FRYL: variants seen among roughly 807,000 people sequenced by gnomAD.
FRYL encodes protein furry homolog-like.
FRYL carries 150 observed loss-of-function variants against 351.2 expected under a neutral mutation model. That is an observed-to-expected ratio of 0.43 (90% CI 0.37 to 0.49). FRYL has a LOEUF of 0.49. FRYL is among the 20% of genes least tolerant of loss of function. The pLI is 0.00. For missense variants in FRYL, 3,036 were observed against 3,619.3 expected (o/e 0.84, Z 4.13); for synonymous variants, 1,153 against 1,257.1 (o/e 0.92, Z 1.75).
intron 2 of FRYL, among the ~76,000 whole-genome samples, chr4:48,688,622 T>TA (rs1765391194): frequency 6.6e-6 from 1 of 151,900 alleles, no homozygotes; most frequent in Non-Finnish European, 1.5e-5. Context: ...TTAAATTTTT[T>TA]TAAAAATGAA....
At chr4:48,642,702 A>T (rs1755582591) in intron 3 of FRYL, among the ~76,000 whole-genome samples, 1 of 152,120 alleles carries the variant, frequency 6.6e-6, no homozygotes. Flanking sequence ...AAGAAAAATG[A>T]CCTATCATCC....
In FRYL at chr4:48,682,171, C is replaced by T. The variant is rs536562715; in HGVS notation, c.-81+2502G>A. ...TGAAACACAATACAATCTCATTCTTCCAATGCTCAACATGAAGAAAATGAT... is the reference window on the plus strand; with the variant it reads ...TGAAACACAATACAATCTCATTCTTTCAATGCTCAACATGAAGAAAATGAT... On this transcript the variant is annotated intron_variant, in intron 3 of 63. Coordinates refer to ENST00000358350, the MANE Select transcript of FRYL (RefSeq NM_015030.2). Among the ~76,000 whole-genome samples the T allele has an allele frequency of 3.9e-5, 6 of 152,214 alleles. 1 individual carries two copies. Among genetic ancestry groups the T allele is most frequent in the African/African-American group, 1.4e-4 (6 of 41,530 alleles).
chr4:48,764,874 T>C (rs779080202), intron 1 of FRYL, among the ~76,000 whole-genome samples: 5 of 152,192 alleles, frequency 3.3e-5, no homozygotes, highest in Non-Finnish European at 5.9e-5. Flanking sequence ...AGATGAAGTC[T>C]TGCTCTGTTG....
chr4:48,530,656 T>C (rs1464802174), intron 50 of FRYL, among the ~76,000 whole-genome samples: 1 of 152,186 alleles, frequency 6.6e-6, no homozygotes, highest in Non-Finnish European at 1.5e-5. Flanking sequence ...TAGGCGGTAC[T>C]AGTTGGAAGT....
At chr4:48,570,369 A>C (rs1189741709) in intron 27 of FRYL, among the ~76,000 whole-genome samples, 2 of 152,254 alleles carry the variant, frequency 1.3e-5, no homozygotes, top group East Asian at 3.8e-4. Context: ...GTAAGATTTC[A>C]TAATTTTCCC....
intron 47 of FRYL, among the ~76,000 whole-genome samples, chr4:48,537,105 A>G (rs1292027294): frequency 6.6e-6 from 1 of 152,204 alleles, no homozygotes; most frequent in Non-Finnish European, 1.5e-5. Flanking sequence ...AATTTAACAT[A>G]TTATTAAAAA....
At chr4:48,704,880 C>T (rs1434473686) in intron 2 of FRYL, among the ~76,000 whole-genome samples, 4 of 147,558 alleles carry the variant, frequency 2.7e-5, no homozygotes, top group South Asian at 4.3e-4. Flanking sequence ...ACCCAGGAGA[C>T]GGAGGTTGCA....
intron 1 of FRYL, among the ~76,000 whole-genome samples, chr4:48,771,493 G>A (rs1775502434): frequency 6.6e-6 from 1 of 152,162 alleles, no homozygotes; most frequent in Non-Finnish European, 1.5e-5. Context: ...ACAAGAAGTA[G>A]ACTAGCAAGT....
At position 48,497,537 on chromosome 4, in the gene FRYL, T is replaced by A. The variant is rs144135465; in HGVS notation, c.*1885A>T. The A allele has an allele frequency of 2.0e-5, 3 of 152,662 alleles. No homozygotes were observed. The highest frequency in any genetic ancestry group is 2.0e-4 in the Admixed American group (3 of 15,284). 9.5% of individuals were successfully genotyped at this position (152,662 alleles called of 1,614,324 possible). A position where few individuals can be genotyped will look rare whatever the true frequency, so the allele number is the denominator to read the frequency against. On this transcript the variant is annotated 3_prime_UTR_variant, in exon 64 of 64. Coordinates refer to ENST00000358350, the MANE Select transcript of FRYL (RefSeq NM_015030.2). ...TTCTAAATGATGCACACTGTAATCATTCATTCTTTGTTAAAATACAACACA... is the reference window on the plus strand; with the variant it reads ...TTCTAAATGATGCACACTGTAATCAATCATTCTTTGTTAAAATACAACACA...
At chr4:48,514,384 A>G (rs768991648) in intron 56 of FRYL, among the ~76,000 whole-genome samples, 12 of 152,142 alleles carry the variant, frequency 7.9e-5, no homozygotes, top group Non-Finnish European at 1.3e-4. Flanking sequence ...TTGGTTTAAG[A>G]GTTTCGTAAC....
At chr4:48,776,904 A>G (rs551155050) in intron 1 of FRYL, among the ~76,000 whole-genome samples, 1 of 152,338 alleles carries the variant, frequency 6.6e-6, no homozygotes, top group Non-Finnish European at 1.5e-5. Context: ...AATCATTTCA[A>G]TTACATGAAT....
chr4:48,619,462 A>G lies in FRYL; in HGVS notation c.315-92T>C, dbSNP rs559512025. The G allele has an allele frequency of 5.0e-4, 323 of 644,422 alleles. No homozygotes were observed. The African/African-American group carries it at 5.4e-3, about 11-fold the overall frequency. The allele number at this position is 644,422 out of a possible 1,614,324, so 39.9% of individuals were successfully genotyped here. ...AGCTCATGTCGCTTACTGTTTTCCTACTATGTAAAATGTGCTACAGCAATT... is the reference window on the plus strand; with the variant it reads ...AGCTCATGTCGCTTACTGTTTTCCTGCTATGTAAAATGTGCTACAGCAATT... On this transcript the variant is annotated intron_variant, in intron 6 of 63. Transcript: ENST00000358350.
chr4:48,712,155 G>C (rs1209716376), intron 1 of FRYL, among the ~76,000 whole-genome samples: 2 of 152,164 alleles, frequency 1.3e-5, no homozygotes, highest in Middle Eastern at 3.2e-3. Flanking sequence ...CTAAAAAGCA[G>C]GGCACCTCTC....
At chr4:48,528,865 T>A (rs906866359) in intron 50 of FRYL, among the ~76,000 whole-genome samples, 4 of 152,198 alleles carry the variant, frequency 2.6e-5, no homozygotes, top group African/African-American at 9.6e-5. Flanking sequence ...CTTCCAAAAT[T>A]TATTTCAGTA....
rs182805873 is a variant in FRYL, at chr4:48,666,641, G to A, written c.-81+18032C>T. 5.9e-5 allele frequency among the ~76,000 whole-genome samples: 9 copies of A among 152,178 alleles called. No individual in the cohort carries two copies. In the East Asian group the frequency reaches 1.5e-3, roughly 26 times the overall value. On this transcript the variant is annotated intron_variant, in intron 3 of 63. Transcript: ENST00000358350. ...TCTATTGTTTAATAAGATCCCCTAC[G>A]TGATTCTTAAGCACGTCCAACTTTA...
At chr4:48,729,161 C>G (rs10938541) in intron 1 of FRYL, among the ~76,000 whole-genome samples, 149,445 of 152,358 alleles carry the variant, frequency 0.98, 73,357 homozygotes, top group East Asian at 1. Context: ...TGGGAGTTTG[C>G]TGAGGTGCAT....
intron 3 of FRYL, among the ~76,000 whole-genome samples, chr4:48,675,604 T>C (rs1340568698): frequency 1.3e-5 from 2 of 152,218 alleles, no homozygotes; most frequent in Non-Finnish European, 2.9e-5. Context: ...ACCTGCAGCC[T>C]GCCATGCCTG....
At chr4:48,654,804 A>G (rs1343273988) in intron 3 of FRYL, among the ~76,000 whole-genome samples, 1 of 152,238 alleles carries the variant, frequency 6.6e-6, no homozygotes, top group Admixed American at 6.5e-5. Flanking sequence ...AGACGCTGTT[A>G]AAGCCTAACT....
Position 48,570,901 on chromosome 4 carries a change from C to T in FRYL, c.2922G>A (p.Arg974=). Residue 974 remains arginine, a synonymous_variant, in exon 27 of 64, where the codon AGG becomes AGA. Transcript: ENST00000358350. ...ERRPENMKRR[R]RRDILRVQLV... ...GTTGTACTCGTAAAATGTCTCGACG[C>T]CTGCGCCGTTTCATATTCTATTCCA... The T allele has an allele frequency of 1.9e-6, 3 of 1,613,502 alleles. No individual in the cohort carries two copies. The highest frequency in any genetic ancestry group is 2.5e-6 in the Non-Finnish European group (3 of 1,179,510).
Sources: allele counts gnomAD v4.1 joint callset (sites outside exome capture counted in the v4.1 genomes callset), GRCh38; gene constraint gnomAD v4.1.1; transcripts MANE v1.5; gene names NCBI Gene and HGNC (gene_info 2026-07-23, HGNC 2026-07-21).